HDLBP: variants seen among roughly 807,000 people sequenced by gnomAD.
HDLBP encodes the protein vigilin.
Under a neutral mutation model 137.3 loss-of-function variants are expected in HDLBP, and 30 were observed. That is an observed-to-expected ratio of 0.22 (90% CI 0.16 to 0.30). The LOEUF is 0.30. HDLBP is among the 10% of genes least tolerant of loss of function. The pLI is 1.00. For synonymous variants in HDLBP, 606 were observed against 596.0 expected (o/e 1.02, Z -0.24); for missense variants, 1,119 against 1,667.3 (o/e 0.67, Z 5.73).
Position 241,240,480 on chromosome 2 carries a change from G to A in HDLBP, c.2170-358C>T, listed in dbSNP as rs1204040861. Among the ~76,000 whole-genome samples the A allele has an allele frequency of 3.3e-5, 5 of 152,166 alleles. No individual in the cohort carries two copies. Among genetic ancestry groups the A allele is most frequent in the South Asian group, 4.1e-4 (2 of 4,832 alleles). On this transcript the variant is annotated intron_variant, in intron 17 of 27. Transcript: ENST00000310931. The surrounding 1 kb of genome is among the most constrained non-coding windows in gnomAD (Gnocchi z 5.5). ...CGGACGATATGTTGGCGGAGTGCACGTCCTGGGGAGCGTGGGGTGTGCCCA... is the reference window on the plus strand; with the variant it reads ...CGGACGATATGTTGGCGGAGTGCACATCCTGGGGAGCGTGGGGTGTGCCCA...
In HDLBP at chr2:241,238,702, A is replaced by G; in HGVS notation, c.2696T>C (p.Ile899Thr). The G allele has an allele frequency of 6.3e-7, 1 of 1,589,390 alleles. No homozygotes were observed. Among genetic ancestry groups the G allele is most frequent in the Admixed American group, 1.7e-5 (1 of 58,898 alleles). ...MGPKGSRIQQ[I>T]TRDFSVQIKF... is the part of the protein sequence containing the mutation. ...AATTTGAACACTGAAATCCCGAGTA[A>G]TCTGCTGGATTCTGGAACCTTTGGG... is the stretch of plus-strand genomic sequence containing the variant. The change falls in exon 20 of 28, where the codon ATT becomes ACT. Residue 899 changes from isoleucine (I) to threonine (T), a missense_variant. Transcript: ENST00000310931. The surrounding 1 kb of genome is among the most constrained non-coding windows in gnomAD (Gnocchi z 4.9).
At position 241,240,014 on chromosome 2, in the gene HDLBP, G is replaced by A. The variant is rs2071044504; in HGVS notation, c.2278C>T (p.Arg760Cys). Reference protein sequence around the residue: ...IRKVRDSTGARVIFPAAEDKD... With the variant: ...IRKVRDSTGACVIFPAAEDKD... ...TCCTCAGCCGCAGGGAAGATGACAC[G>A]TGCTCCAGTGCTGTCGCGCACCTTG... Residue 760 changes from arginine to cysteine, a missense_variant, in exon 18 of 28, where the codon CGT becomes TGT. By Grantham distance (180) the Arg-to-Cys change is radical (BLOSUM62 -3). Coordinates refer to ENST00000310931, the MANE Select transcript of HDLBP (RefSeq NM_005336.6). The surrounding 1 kb of genome is among the most constrained non-coding windows in gnomAD (Gnocchi z 5.5). 7 of 1,614,072 alleles carry A rather than the reference G, an allele frequency of 4.3e-6. No individual in the cohort carries two copies. Among genetic ancestry groups the A allele is most frequent in the African/African-American group, 1.3e-5 (1 of 74,920 alleles).
At chr2:241,264,107 T>C (rs559650586) in intron 4 of HDLBP, among the ~76,000 whole-genome samples, 1 of 139,028 alleles carries the variant, frequency 7.2e-6, no homozygotes, top group East Asian at 2.0e-4. Flanking sequence ...CTCATGCCTA[T>C]AATCCCAGCA....
Position 241,229,337 on chromosome 2 carries a change from A to G in HDLBP, c.*264T>C. 1 of 387,174 alleles carries G rather than the reference A, an allele frequency of 2.6e-6. No homozygotes were observed. Among genetic ancestry groups the G allele is most frequent in the South Asian group, 2.5e-5 (1 of 40,272 alleles). The allele number at this position is 387,174 out of a possible 1,614,324, so 24.0% of individuals were successfully genotyped here. A position where few individuals can be genotyped will look rare whatever the true frequency, so the allele number is the denominator to read the frequency against. The stretch of plus-strand genomic sequence containing the variant: ...TGCTGACTGACATGCCGGGTGGACC[A>G]GGAGCTGGAGTCTGTTATCTTAGCA... On this transcript the variant is annotated 3_prime_UTR_variant, in exon 28 of 28. Coordinates refer to ENST00000310931, the MANE Select transcript of HDLBP (RefSeq NM_005336.6).
chr2:241,308,630 A>T (rs569821278), intron 1 of HDLBP, among the ~76,000 whole-genome samples: 14 of 152,272 alleles, frequency 9.2e-5, no homozygotes, highest in African/African-American at 3.1e-4. Context: ...GGGTATGCAG[A>T]CCTGGGTAGA....
Position 241,246,688 on chromosome 2 carries a change from C to A in HDLBP, c.1950+64G>T. On this transcript the variant is annotated intron_variant, in intron 16 of 27. Transcript: ENST00000310931. Reference sequence around the variant, plus strand: ...TGACCCTGCGTGACTCAACCCCAGGCTCAATCTTAGAGGCTGTTAGAGATT... The same window carrying A: ...TGACCCTGCGTGACTCAACCCCAGGATCAATCTTAGAGGCTGTTAGAGATT... 6 of 1,529,258 alleles carry A rather than the reference C, an allele frequency of 3.9e-6. No homozygotes were observed. In the South Asian group the frequency reaches 6.0e-5, roughly 15 times the overall value. 94.7% of individuals were successfully genotyped at this position (1,529,258 alleles called of 1,614,324 possible). A position where few individuals can be genotyped will look rare whatever the true frequency, so the allele number is the denominator to read the frequency against.
rs748525697 is a variant in HDLBP, at chr2:241,256,170, T to C, written c.873+14A>G. ...TTCCTGCCCATGGGGATTTGCCTCC[T>C]CTAAATCGTGTACCTTCTCCTCATA... On this transcript the variant is annotated intron_variant, in intron 7 of 27. Transcript: ENST00000310931. The C allele has an allele frequency of 9.3e-6, 15 of 1,611,232 alleles. No homozygotes were observed. In the East Asian group the frequency reaches 3.1e-4, roughly 34 times the overall value.
intron 4 of HDLBP, 27 bp downstream of exon 4, chr2:241,264,421 T>C: frequency 6.5e-7 from 1 of 1,535,878 alleles, no homozygotes; most frequent in Non-Finnish European, 8.8e-7. Context: ...ATGATAAAAT[T>C]TTTAAAAGAA....
intron 1 of HDLBP, among the ~76,000 whole-genome samples, chr2:241,287,824 T>C (rs2074877311): frequency 6.6e-6 from 1 of 152,174 alleles, no homozygotes; most frequent in African/African-American, 2.4e-5. Context: ...TCATTGAGAA[T>C]AGCAAAAGGA....
At chr2:241,241,897 T>C (rs2071274789) in intron 17 of HDLBP, among the ~76,000 whole-genome samples, 1 of 152,210 alleles carries the variant, frequency 6.6e-6, no homozygotes, top group East Asian at 1.9e-4. Context: ...CATCTTCAAA[T>C]TTCACACAAT....
intron 1 of HDLBP, among the ~76,000 whole-genome samples, chr2:241,289,797 C>G (rs2074948236): frequency 6.6e-6 from 1 of 151,994 alleles, no homozygotes; most frequent in South Asian, 2.1e-4. Flanking sequence ...GTAAGGAGTG[C>G]CCTCTAAAGG....
chr2:241,276,154 G>A (rs531202850), intron 1 of HDLBP, among the ~76,000 whole-genome samples: 1 of 152,292 alleles, frequency 6.6e-6, no homozygotes, highest in Non-Finnish European at 1.5e-5. Flanking sequence ...GAAGTTGCAA[G>A]GTTTCAAGAT....
intron 1 of HDLBP, among the ~76,000 whole-genome samples, chr2:241,274,264 G>A (rs1267234316): frequency 6.6e-6 from 1 of 152,172 alleles, no homozygotes; most frequent in East Asian, 1.9e-4. Flanking sequence ...CACCTAGGGA[G>A]GGGAGCAGAA....
Position 241,272,144 on chromosome 2 carries a change from G to A in HDLBP, c.-102-3603C>T. 1 of 983,714 alleles carries A rather than the reference G, an allele frequency of 1.0e-6. No homozygotes were observed. Among genetic ancestry groups the A allele is most frequent in the Non-Finnish European group, 1.2e-6 (1 of 828,354 alleles). 60.9% of individuals were successfully genotyped at this position (983,714 alleles called of 1,614,324 possible). A position where few individuals can be genotyped will look rare whatever the true frequency, so the allele number is the denominator to read the frequency against. ...TTGCACTCCAGGCCCAAGAAGAGCAGCTTTCCCCACCCCCGAACACGTAGA... is the reference window on the plus strand; with the variant it reads ...TTGCACTCCAGGCCCAAGAAGAGCAACTTTCCCCACCCCCGAACACGTAGA... On this transcript the variant is annotated intron_variant, in intron 1 of 27. Transcript: ENST00000310931. This position sits in a 1 kb window ranked among gnomAD's most constrained non-coding sequence, Gnocchi z 5.6.
At chr2:241,243,246 A>G (rs575647661) in intron 16 of HDLBP, among the ~76,000 whole-genome samples, 1 of 152,324 alleles carries the variant, frequency 6.6e-6, no homozygotes, top group East Asian at 1.9e-4. Flanking sequence ...TCCGGAGATC[A>G]GAGCCCAAAG....
intron 1 of HDLBP, among the ~76,000 whole-genome samples, chr2:241,297,115 T>TTTTG (rs10624296): frequency 0.52 from 79,557 of 151,638 alleles, 21,678 homozygotes; most frequent in East Asian, 0.78. Context: ...CTTGGACTTT[T>TTTTG]TTTGTTTTTA....
chr2:241,296,567 C>G (rs1372396472), intron 1 of HDLBP, among the ~76,000 whole-genome samples: 1 of 152,284 alleles, frequency 6.6e-6, no homozygotes, highest in East Asian at 1.9e-4. Context: ...TTTTCAATGT[C>G]TGGAAAACAT....
intron 1 of HDLBP, chr2:241,302,651 C>T (rs1005074746): frequency 6.6e-6 from 1 of 152,302 alleles, no homozygotes. Context: ...TCTATCTGTT[C>T]CAATGGATCT....
At chr2:241,265,191 G>A (rs916449499) in intron 3 of HDLBP, among the ~76,000 whole-genome samples, 1 of 152,232 alleles carries the variant, frequency 6.6e-6, no homozygotes, top group Non-Finnish European at 1.5e-5. Context: ...GGCCGAGGCA[G>A]GCAGATCACC....
Sources: allele counts gnomAD v4.1 joint callset (sites outside exome capture counted in the v4.1 genomes callset), GRCh38; gene constraint gnomAD v4.1.1; non-coding constraint Gnocchi (gnomAD v3.1); transcripts MANE v1.5; gene names NCBI Gene and HGNC (gene_info 2026-07-23, HGNC 2026-07-21).